The following KDM4C variants were observed in gnomAD, a reference collection of about 807,000 sequenced individuals.
KDM4C encodes lysine-specific demethylase 4C.
KDM4C carries 81 observed loss-of-function variants against 129.3 expected under a neutral mutation model. That is an observed-to-expected ratio of 0.63 (90% CI 0.52 to 0.75). KDM4C has a LOEUF of 0.75. KDM4C is among the 30% of genes least tolerant of loss of function. KDM4C has a pLI of 0.00. For synonymous variants in KDM4C, 573 were observed against 456.1 expected (o/e 1.26, Z -3.26); for missense variants, 1,457 against 1,304.0 (o/e 1.12, Z -1.81).
chr9:7,113,360 A>G (rs1420897672), intron 18 of KDM4C, among the ~76,000 whole-genome samples: 2 of 152,240 alleles, frequency 1.3e-5, no homozygotes, highest in African/African-American at 4.8e-5. Context: ...TTCAGAACCT[A>G]TCTTTCTCTT....
rs183109681 is a variant in KDM4C at position 6,859,344 on chromosome 9, C to T, written c.629+9644C>T. On this transcript the variant is annotated intron_variant, in intron 5 of 21. Transcript: ENST00000381309. Reference sequence around the variant, plus strand: ...ACAAAAATTAGTTCGACGTAGTGGCCCACGCCTGTAGTCCCAGCTACTCGG... The same window carrying T: ...ACAAAAATTAGTTCGACGTAGTGGCTCACGCCTGTAGTCCCAGCTACTCGG... 2.3e-3 allele frequency among the ~76,000 whole-genome samples: 356 copies of T among 151,706 alleles called. 2 individuals are homozygous for T. The highest frequency in any genetic ancestry group is 2.2e-3 in the Non-Finnish European group (151 of 67,882).
intron 4 of KDM4C, chr9:6,834,780 C>A: frequency 7.8e-7 from 1 of 1,274,750 alleles, no homozygotes; most frequent in South Asian, 1.2e-5. Flanking sequence ...ACCGAGGCCC[C>A]CCTGAACCCC....
chr9:7,139,110 A>G (rs546305614), intron 19 of KDM4C, among the ~76,000 whole-genome samples: 2 of 152,000 alleles, frequency 1.3e-5, no homozygotes, highest in Non-Finnish European at 2.9e-5. Context: ...CATCTCTACA[A>G]AAAAATTTCA....
chr9:7,032,216 A>G (rs932306313), intron 15 of KDM4C, among the ~76,000 whole-genome samples: 4 of 152,252 alleles, frequency 2.6e-5, no homozygotes, highest in Non-Finnish European at 5.9e-5. Context: ...ATGGAGGCAC[A>G]TCTCGTAAGA....
intron 8 of KDM4C, among the ~76,000 whole-genome samples, chr9:6,902,116 G>A (rs932930093): frequency 1.3e-5 from 2 of 152,090 alleles, no homozygotes; most frequent in Non-Finnish European, 2.9e-5. Flanking sequence ...TTTTCCACCA[G>A]TATGAATTTT....
chr9:6,977,327 T>C (rs1025381857), intron 8 of KDM4C, among the ~76,000 whole-genome samples: 1 of 152,216 alleles, frequency 6.6e-6, no homozygotes, highest in Non-Finnish European at 1.5e-5. Context: ...TATTATCCTC[T>C]TTAGGTTATA....
At chr9:6,853,148 T>C (rs915903841) in intron 5 of KDM4C, among the ~76,000 whole-genome samples, 4 of 152,136 alleles carry the variant, frequency 2.6e-5, no homozygotes, top group Non-Finnish European at 5.9e-5. Flanking sequence ...TAAATTATTT[T>C]AGATCCATCT....
Position 6,758,297 on chromosome 9 carries a change from G to A in KDM4C, c.-18+94G>A. The stretch of plus-strand genomic sequence containing the variant: ...CCCCCTCCGCGTGGGGCACGGGGGT[G>A]CGGGCGTCCGGGCGAGCGGCGACGC... On this transcript the variant is annotated intron_variant, in intron 1 of 21. Transcript: ENST00000381309. The surrounding 1 kb of genome is among the most constrained non-coding windows in gnomAD (Gnocchi z 4.6). 5 of 772,820 alleles carry A rather than the reference G, an allele frequency of 6.5e-6. No homozygotes were observed. The highest frequency in any genetic ancestry group is 7.9e-6 in the Non-Finnish European group (5 of 636,264). 47.9% of individuals were successfully genotyped at this position (772,820 alleles called of 1,614,324 possible).
At chr9:6,770,349 G>A (rs983066562) in intron 1 of KDM4C, among the ~76,000 whole-genome samples, 1 of 152,012 alleles carries the variant, frequency 6.6e-6, no homozygotes, top group Non-Finnish European at 1.5e-5. Context: ...GAGACTTTGG[G>A]GAAATTAAAC....
chr9:7,075,919 G>C (rs571564210), intron 17 of KDM4C, among the ~76,000 whole-genome samples: 6 of 151,982 alleles, frequency 3.9e-5, no homozygotes, highest in African/African-American at 1.4e-4. Context: ...TTTAAATCTT[G>C]GGTGTGATAA....
chr9:7,174,870 GTTTGGTCACC>G lies in KDM4C; in HGVS notation c.*142_*151del. 1.5e-6 allele frequency: 1 copy of G among 653,406 alleles called. No homozygotes were observed. Among genetic ancestry groups the G allele is most frequent in the Admixed American group, 2.6e-5 (1 of 38,594 alleles). The allele number at this position is 653,406 out of a possible 1,614,324, so 40.5% of individuals were successfully genotyped here. A position where few individuals can be genotyped will look rare whatever the true frequency, so the allele number is the denominator to read the frequency against. ...GACAGTGGTAAATCGGGTTTCCAGAGTTTGGTCACCAAAAATACAAAATACACCCAATGAA... is the reference window on the plus strand; with the variant it reads ...GACAGTGGTAAATCGGGTTTCCAGAGAAAAATACAAAATACACCCAATGAA... On this transcript the variant is annotated 3_prime_UTR_variant, in exon 22 of 22. Transcript: ENST00000381309.
At chr9:7,086,613 C>G (rs1446745842) in intron 17 of KDM4C, among the ~76,000 whole-genome samples, 2 of 152,160 alleles carry the variant, frequency 1.3e-5, no homozygotes, top group Non-Finnish European at 2.9e-5. Context: ...GCCTTTGATC[C>G]TGTCTGGATT....
chr9:7,093,091 C>T (rs1294106702), intron 17 of KDM4C, among the ~76,000 whole-genome samples: 1 of 152,120 alleles, frequency 6.6e-6, no homozygotes, highest in Non-Finnish European at 1.5e-5. Flanking sequence ...TCCAATTTTT[C>T]ATGACAGAAA....
In KDM4C at chr9:6,986,464, G is replaced by T. The variant is rs35826653; in HGVS notation, c.1475G>T (p.Ser492Ile). 5 of 1,614,022 alleles carry T rather than the reference G, an allele frequency of 3.1e-6. No homozygotes were observed. The South Asian group carries it at 4.4e-5, about 14-fold the overall frequency. ...SEADDSIPLS[S>I]GYEKPEKSDP... ...GCTGATGATTCCATTCCATTGTCTA[G>T]TGGCTATGAGAAGCCCGAGAAATCA... The change falls in exon 11 of 22, where the codon AGT (serine) becomes ATT (isoleucine). Residue 492 changes from serine (S) to isoleucine (I), a missense_variant. Coordinates refer to ENST00000381309, the MANE Select transcript of KDM4C (RefSeq NM_015061.6).
chr9:7,128,010 C>G, intron 18 of KDM4C, 56 bp from the exon 19 acceptor site: 1 of 1,285,868 alleles, frequency 7.8e-7, no homozygotes, highest in Non-Finnish European at 1.0e-6. Context: ...ATTTTACGTC[C>G]TTTCTTTTCC....
intron 12 of KDM4C, among the ~76,000 whole-genome samples, chr9:6,995,538 A>C (rs995989631): frequency 4.6e-5 from 7 of 152,074 alleles, no homozygotes; most frequent in Non-Finnish European, 7.4e-5. Flanking sequence ...CATCTTTAGC[A>C]CTCTTGGGAT....
chr9:7,144,831 T>A (rs4556139), intron 19 of KDM4C, among the ~76,000 whole-genome samples: 94,628 of 152,148 alleles, frequency 0.62, 29,656 homozygotes, highest in East Asian at 0.78. Context: ...TTACATGGAG[T>A]CAAAGGGAGC....
At chr9:6,837,444 G>A (rs778002549) in intron 4 of KDM4C, among the ~76,000 whole-genome samples, 3 of 152,090 alleles carry the variant, frequency 2.0e-5, no homozygotes, top group African/African-American at 7.2e-5. Flanking sequence ...AGTGATTTTC[G>A]TGCAGCCATC....
At chr9:6,776,708 G>T (rs1415067182) in intron 1 of KDM4C, among the ~76,000 whole-genome samples, 1 of 150,166 alleles carries the variant, frequency 6.7e-6, no homozygotes, top group Non-Finnish European at 1.5e-5. Context: ...GGGTTCAAGC[G>T]ATTCTTGTCT....
Sources: allele counts gnomAD v4.1 joint callset (sites outside exome capture counted in the v4.1 genomes callset), GRCh38; gene constraint gnomAD v4.1.1; non-coding constraint Gnocchi (gnomAD v3.1); transcripts MANE v1.5; gene names NCBI Gene and HGNC (gene_info 2026-07-23, HGNC 2026-07-21).